Variants in TMED1 observed in about 807,000 individuals in gnomAD.
The protein encoded by TMED1 is transmembrane p24 trafficking protein 1.
In TMED1, 20 loss-of-function variants were observed where a neutral mutation model predicts 21.2. The ratio of observed to expected loss-of-function variants is 0.95; its 90% confidence interval spans 0.67 to 1.37. TMED1 has a LOEUF of 1.37. TMED1 is among the 40% of genes most tolerant of loss of function. TMED1 has a pLI of 0.00. For missense variants in TMED1, 316 were observed against 309.8 expected (o/e 1.02, Z -0.15); for synonymous variants, 149 against 134.7 (o/e 1.11, Z -0.74).
rs543363480 is a variant in TMED1, at chr19:10,836,158, A to G, written c.34T>C (p.Leu12=). Residue 12 remains leucine, a synonymous_variant, in exon 1 of 4, where the codon TTG becomes CTG. Coordinates refer to ENST00000214869, the MANE Select transcript of TMED1 (RefSeq NM_006858.4). ...MAAGAALALA[L]WLLMPPVEVG... ...TCCACTGGTGGCATTAGTAGCCACA[A>G]GGCCAGGGCTAGGGCCGCGCCGGCC... 7 of 1,565,076 alleles carry G rather than the reference A, an allele frequency of 4.5e-6. No individual in the cohort carries two copies. In the Admixed American group the frequency reaches 5.8e-5, roughly 13 times the overall value.
chr19:10,835,669 C>G (rs1228834136), intron 1 of TMED1: 65 of 1,400,544 alleles, frequency 4.6e-5, no homozygotes, highest in Non-Finnish European at 5.6e-6. Flanking sequence ...CTTAGTCTAA[C>G]CCCCGAGAAA....
Position 10,833,035 on chromosome 19 carries a change from A to T in TMED1, c.644T>A (p.Leu215His). 1 of 1,613,778 alleles carries T rather than the reference A, an allele frequency of 6.2e-7. No individual in the cohort carries two copies. The highest frequency in any genetic ancestry group is 1.3e-5 in the African/African-American group (1 of 75,074). ...LLVAVLQVCT[L>H]KRFFQDKRPV... ...GCGCTTGTCCTGGAAGAAGCGCTTG[A>T]GCGTGCAGACCTGCAGCACAGCCAC... The change falls in exon 4 of 4, where the codon CTC (leucine) becomes CAC (histidine). Residue 215 changes from leucine (L) to histidine (H), a missense_variant. By Grantham distance (99) the Leu-to-His change is moderately conservative. Transcript: ENST00000214869.
rs550566273 is a variant in TMED1, at chr19:10,832,296, T to A, written c.*699A>T. On this transcript the variant is annotated 3_prime_UTR_variant, in exon 4 of 4. Transcript: ENST00000214869. ...AAACTTTGCTTTCTGATTTTTCTCT[T>A]GTGCCAGGCGACCACCTCCATCGGC... 7.8e-7 allele frequency: 1 copy of A among 1,289,580 alleles called. No homozygotes were observed. The highest frequency in any genetic ancestry group is 1.5e-5 in the African/African-American group (1 of 65,932). The allele number at this position is 1,289,580 out of a possible 1,614,324, so 79.9% of individuals were successfully genotyped here.
rs1599649953 is a variant in TMED1, at chr19:10,836,000, A to AC, written c.183+8dup. The AC allele has an allele frequency of 6.3e-7, 1 of 1,576,714 alleles. No homozygotes were observed. Among genetic ancestry groups the AC allele is most frequent in the Non-Finnish European group, 8.6e-7 (1 of 1,162,146 alleles). The stretch of plus-strand genomic sequence containing the variant: ...GACTCTGCTGGCCGCCCAGCCCGCG[A>AC]CCCTCTACCTGGTATTCGGTCTCGA... On this transcript the variant is annotated intron_variant, in intron 1 of 3. Coordinates refer to ENST00000214869, the MANE Select transcript of TMED1 (RefSeq NM_006858.4).
Position 10,835,253 on chromosome 19 carries a change from C to G in TMED1, c.281+3G>C, listed in dbSNP as rs1225724033. On this transcript the variant is annotated splice_donor_region_variant and intron_variant, in intron 2 of 3. Transcript: ENST00000214869. ...CCCAGGCAGGCATCAAGACTGAACT[C>G]ACGTGTGTACCCCATCAGCCTTGCG... The G allele has an allele frequency of 6.2e-7, 1 of 1,614,120 alleles. No individual in the cohort carries two copies. Among genetic ancestry groups the G allele is most frequent in the Non-Finnish European group, 8.5e-7 (1 of 1,180,008 alleles).
Position 10,833,138 on chromosome 19 carries a change from G to A in TMED1, c.541C>T (p.Arg181Cys), listed in dbSNP as rs1401397463. 1.2e-6 allele frequency: 2 copies of A among 1,613,986 alleles called. No individual in the cohort carries two copies. Among genetic ancestry groups the A allele is most frequent in the South Asian group, 1.1e-5 (1 of 91,090 alleles). Residue 181 changes from arginine (R) to cysteine (C), a missense_variant, in exon 4 of 4, where the codon CGT becomes TGT. By Grantham distance (180) the Arg-to-Cys change is radical. Coordinates refer to ENST00000214869, the MANE Select transcript of TMED1 (RefSeq NM_006858.4). ...TTGCCCTCTTGCAGGTTGCGGTCACGTGCCTCGAAGGCCCGCAGTAGCGTG... is the reference window on the plus strand; with the variant it reads ...TTGCCCTCTTGCAGGTTGCGGTCACATGCCTCGAAGGCCCGCAGTAGCGTG... ...MLTLLRAFEA[R>C]DRNLQEGNLE...
chr19:10,834,454 C>CTTTTTT (rs769963664), intron 3 of TMED1, among the ~76,000 whole-genome samples: 1 of 119,644 alleles, frequency 8.4e-6, no homozygotes, highest in Non-Finnish European at 1.8e-5. Context: ...AAATGAACTA[C>CTTTTTT]TTTTTTTTTT....
In TMED1 at chr19:10,832,752, G is replaced by A. The variant is rs999355553; in HGVS notation, c.*243C>T. On this transcript the variant is annotated 3_prime_UTR_variant, in exon 4 of 4. Transcript: ENST00000214869. ...GGAAATCCGAGGCTCACGTTCCAAC[G>A]CTGCAGTGCCCACCATGTGAGATTT... The A allele has an allele frequency of 1.5e-5, 9 of 601,918 alleles. No individual in the cohort carries two copies. The highest frequency in any genetic ancestry group is 5.9e-5 in the Admixed American group (2 of 33,908). The allele number at this position is 601,918 out of a possible 1,614,324, so 37.3% of individuals were successfully genotyped here. A position where few individuals can be genotyped will look rare whatever the true frequency, so the allele number is the denominator to read the frequency against.
intron 1 of TMED1, 136 bp downstream of exon 1, chr19:10,835,873 C>T (rs2073421978): frequency 2.8e-6 from 4 of 1,423,924 alleles, no homozygotes; most frequent in African/African-American, 1.4e-5. Flanking sequence ...CCCATCTGTC[C>T]ATCTCTTTCT....
At position 10,832,820 on chromosome 19, in the gene TMED1, C is replaced by G; in HGVS notation, c.*175G>C. On this transcript the variant is annotated 3_prime_UTR_variant, in exon 4 of 4. Transcript: ENST00000214869. The stretch of plus-strand genomic sequence containing the variant: ...GCCACTGAGCCGTCCCTTCTACAAG[C>G]CAGAGGTGTTCCCTGCCCGCTGAGG... 1.4e-6 allele frequency: 1 copy of G among 698,114 alleles called. No homozygotes were observed. Among genetic ancestry groups the G allele is most frequent in the Non-Finnish European group, 2.4e-6 (1 of 418,704 alleles). 43.2% of individuals were successfully genotyped at this position (698,114 alleles called of 1,614,324 possible).
At position 10,832,286 on chromosome 19, in the gene TMED1, A is replaced by G. The variant is rs1277045778; in HGVS notation, c.*709T>C. ...GGGCTCAGTTAAACTTTGCTTTCTGATTTTTCTCTTGTGCCAGGCGACCAC... is the reference window on the plus strand; with the variant it reads ...GGGCTCAGTTAAACTTTGCTTTCTGGTTTTTCTCTTGTGCCAGGCGACCAC... On this transcript the variant is annotated 3_prime_UTR_variant, in exon 4 of 4. Transcript: ENST00000214869. 51 of 1,289,082 alleles carry G rather than the reference A, an allele frequency of 4.0e-5. No homozygotes were observed. Among genetic ancestry groups the G allele is most frequent in the Non-Finnish European group, 5.2e-5 (51 of 988,736 alleles). 79.9% of individuals were successfully genotyped at this position (1,289,082 alleles called of 1,614,324 possible). A position where few individuals can be genotyped will look rare whatever the true frequency, so the allele number is the denominator to read the frequency against.
Position 10,832,429 on chromosome 19 carries a change from A to T in TMED1, c.*566T>A. On this transcript the variant is annotated 3_prime_UTR_variant, in exon 4 of 4. Coordinates refer to ENST00000214869, the MANE Select transcript of TMED1 (RefSeq NM_006858.4). ...CTGGTGTCCCTGAGCCCCAATCAGCAGGCTCTTGTGATTTTCTGACCATAA... is the reference window on the plus strand; with the variant it reads ...CTGGTGTCCCTGAGCCCCAATCAGCTGGCTCTTGTGATTTTCTGACCATAA... 8.8e-7 allele frequency: 1 copy of T among 1,141,266 alleles called. No homozygotes were observed. Among genetic ancestry groups the T allele is most frequent in the Non-Finnish European group, 1.2e-6 (1 of 857,728 alleles). 70.7% of individuals were successfully genotyped at this position (1,141,266 alleles called of 1,614,324 possible).
intron 3 of TMED1, 45 bp downstream of exon 3, chr19:10,834,889 T>C (rs779997051): frequency 6.3e-7 from 1 of 1,590,530 alleles, no homozygotes; most frequent in South Asian, 1.1e-5. Flanking sequence ...CCCAGGTGAA[T>C]CCTAGAGATC....
chr19:10,832,186 C>A lies in TMED1; in HGVS notation c.*809G>T. 1.1e-6 allele frequency: 1 copy of A among 907,432 alleles called. No individual in the cohort carries two copies. Among genetic ancestry groups the A allele is most frequent in the Non-Finnish European group, 1.6e-6 (1 of 644,680 alleles). 56.2% of individuals were successfully genotyped at this position (907,432 alleles called of 1,614,324 possible). A position where few individuals can be genotyped will look rare whatever the true frequency, so the allele number is the denominator to read the frequency against. On this transcript the variant is annotated 3_prime_UTR_variant, in exon 4 of 4. Coordinates refer to ENST00000214869, the MANE Select transcript of TMED1 (RefSeq NM_006858.4). ...CTGCCTGGTGAAGCGGGGACCCCAGCGCTCCACCCCCTTCCTACCCTCAGG... is the reference window on the plus strand; with the variant it reads ...CTGCCTGGTGAAGCGGGGACCCCAGAGCTCCACCCCCTTCCTACCCTCAGG...
rs750838620 is a variant in TMED1 at position 10,833,183 on chromosome 19, C to T, written c.496G>A (p.Glu166Lys). Residue 166 changes from glutamate (E) to lysine (K), a missense_variant, in exon 4 of 4, where the codon GAG becomes AAG. By Grantham distance (56) the Glu-to-Lys change is moderately conservative. Coordinates refer to ENST00000214869, the MANE Select transcript of TMED1 (RefSeq NM_006858.4). The stretch of plus-strand genomic sequence containing the variant: ...AGCGTGAGCATCTGGATGCTGCGCT[C>T]CAGCCGGGTCCGCATGGTCTCAATG... ...ESIETMRTRL[E>K]RSIQMLTLLR... The T allele has an allele frequency of 3.1e-6, 5 of 1,613,580 alleles. No homozygotes were observed. Among genetic ancestry groups the T allele is most frequent in the Non-Finnish European group, 4.2e-6 (5 of 1,179,952 alleles).
chr19:10,836,031 G>C lies in TMED1; in HGVS notation c.161C>G (p.Ala54Gly). Reference sequence around the variant, plus strand: ...TACCTGGTATTCGGTCTCGAGGCTTGCGTTGGCCGGCGCGGACTGGTAGAA... The same window carrying C: ...TACCTGGTATTCGGTCTCGAGGCTTCCGTTGGCCGGCGCGGACTGGTAGAA... ...QCFYQSAPAN[A>G]SLETEYQVIG... Residue 54 changes from alanine (A) to glycine (G), a missense_variant, in exon 1 of 4, where the codon GCA (alanine) becomes GGA (glycine). By Grantham distance (60) the Ala-to-Gly change is moderately conservative (BLOSUM62 0). Transcript: ENST00000214869. 6.3e-7 allele frequency: 1 copy of C among 1,594,620 alleles called. No individual in the cohort carries two copies. Among genetic ancestry groups the C allele is most frequent in the Non-Finnish European group, 8.5e-7 (1 of 1,171,302 alleles).
rs1474322652 is a variant in TMED1 at position 10,836,124 on chromosome 19, C to T, written c.68G>A (p.Gly23Glu). ...WLLMPPVEVG[G>E]AGPPPIQDGE... ...GTCCTGGATTGGCGGGGGCCCCGCCCCTCCCACCTCCACTGGTGGCATTAG... is the reference window on the plus strand; with the variant it reads ...GTCCTGGATTGGCGGGGGCCCCGCCTCTCCCACCTCCACTGGTGGCATTAG... The change falls in exon 1 of 4, where the codon GGG (glycine) becomes GAG (glutamate). Residue 23 changes from glycine (G) to glutamate (E), a missense_variant. Transcript: ENST00000214869. 3 of 1,571,496 alleles carry T rather than the reference C, an allele frequency of 1.9e-6. No homozygotes were observed. The highest frequency in any genetic ancestry group is 2.7e-5 in the African/African-American group (2 of 74,130).
rs2073409959 is a variant in TMED1, at chr19:10,835,057, G to A, written c.342C>T (p.Ile114=). ...GTTCAAAGAACACCAGCTTCTCGGA[G>A]ATGGTGCTGAAGGAGTTGTCAAAGC... The part of the protein sequence containing the change: ...KLCFDNSFST[I]SEKLVFFELI... The change falls in exon 3 of 4, where the codon ATC becomes ATT. Residue 114 remains isoleucine (I), a synonymous_variant. Transcript: ENST00000214869. The A allele has an allele frequency of 6.2e-7, 1 of 1,614,124 alleles. No homozygotes were observed. Among genetic ancestry groups the A allele is most frequent in the African/African-American group, 1.3e-5 (1 of 74,944 alleles).
At chr19:10,835,697 C>T (rs1189044552) in intron 1 of TMED1, 2 of 1,403,008 alleles carry the variant, frequency 1.4e-6, no homozygotes, top group Non-Finnish European at 1.9e-6. Context: ...GTGGGCAACG[C>T]CCCCGCAGTT....
Sources: gnomAD v4.1 joint callset for allele counts (sites outside exome capture counted in the v4.1 genomes callset) on GRCh38, gnomAD v4.1.1 for gene constraint, MANE v1.5 for transcripts, NCBI Gene and HGNC (gene_info 2026-07-23, HGNC 2026-07-21) for gene names.